FHIP1A: variants seen among roughly 807,000 people sequenced by gnomAD.
FHIP1A encodes FHF complex subunit HOOK-interacting protein 1A.
FHIP1A carries 61 observed loss-of-function variants against 88.6 expected under a neutral mutation model. The ratio of observed to expected loss-of-function variants is 0.69; its 90% confidence interval spans 0.56 to 0.85. The LOEUF (loss-of-function observed/expected upper bound fraction) is 0.85, where lower values mean the gene tolerates loss of function less well. Among genes scored for constraint, FHIP1A ranks in the 40% least tolerant of loss-of-function variants. The probability of loss-of-function intolerance (pLI) is 0.00; values close to 1 mark genes in which losing one functional copy is unlikely to be tolerated. For synonymous variants in FHIP1A, 478 were observed against 496.0 expected, an observed-to-expected ratio of 0.96 and a Z score of 0.48; for missense variants, 1,154 against 1,273.5, an observed-to-expected ratio of 0.91 and a Z score of 1.43.
intron 1 of FHIP1A, among the ~76,000 whole-genome samples, chr4:151,431,705 A>C (rs1323508070): frequency 1.3e-5 from 2 of 152,252 alleles, no homozygotes; most frequent in African/African-American, 4.8e-5. Context: ...CTTTCTAAAC[A>C]TAATCCCCTA....
intron 4 of FHIP1A, among the ~76,000 whole-genome samples, chr4:151,574,892 G>A (rs1459202921): frequency 6.8e-6 from 1 of 147,732 alleles, no homozygotes; most frequent in Non-Finnish European, 1.5e-5. Flanking sequence ...TCTTATTCTT[G>A]ACCATTTGAG....
intron 3 of FHIP1A, among the ~76,000 whole-genome samples, chr4:151,517,395 TA>T (rs1442282264): frequency 6.6e-6 from 1 of 152,112 alleles, no homozygotes; most frequent in African/African-American, 2.4e-5. Context: ...GGCACATGTA[TA>T]CATATGTAAC....
At chr4:151,427,002 A>G (rs1733404075) in intron 1 of FHIP1A, among the ~76,000 whole-genome samples, 1 of 152,144 alleles carries the variant, frequency 6.6e-6, no homozygotes, top group Non-Finnish European at 1.5e-5. Context: ...TCAGAAGTGT[A>G]ATATTTCCTA....
intron 2 of FHIP1A, among the ~76,000 whole-genome samples, chr4:151,475,865 G>T (rs1189356908): frequency 6.8e-6 from 1 of 147,538 alleles, no homozygotes; most frequent in African/African-American, 2.5e-5. Context: ...CTCTATTATC[G>T]ATTTTTTTTT....
intron 2 of FHIP1A, among the ~76,000 whole-genome samples, chr4:151,465,087 A>G (rs1395734013): frequency 6.6e-6 from 1 of 152,158 alleles, no homozygotes; most frequent in Non-Finnish European, 1.5e-5. Flanking sequence ...GCACACCTGT[A>G]GTCTCAGCTA....
intron 3 of FHIP1A, among the ~76,000 whole-genome samples, chr4:151,507,435 G>A (rs1161843198): frequency 6.6e-6 from 1 of 152,074 alleles, no homozygotes; most frequent in Non-Finnish European, 1.5e-5. Context: ...GAGAAAATAA[G>A]AAAAAATGTG....
At position 151,577,554 on chromosome 4, in the gene FHIP1A, C is replaced by T. The variant is rs1733840830; in HGVS notation, c.210C>T (p.His70=). 4 of 1,551,760 alleles carry T rather than the reference C, an allele frequency of 2.6e-6. No individual in the cohort carries two copies. The African/African-American group carries it at 5.5e-5, about 21-fold the overall frequency. ...GTGCCGTGCAGAATTACGTAGAACA[C>T]ATGCTCTTCTTGTTGATTGAAGAGC... ...EASAVQNYVE[H]MLFLLIEEQA... is the part of the protein sequence containing the mutation. The change falls in exon 5 of 14, where the codon CAC becomes CAT. Residue 70 remains histidine, a synonymous_variant. Transcript: ENST00000435205.
intron 3 of FHIP1A, among the ~76,000 whole-genome samples, chr4:151,546,483 A>C (rs1732508807): frequency 6.6e-6 from 1 of 152,186 alleles, no homozygotes; most frequent in South Asian, 2.1e-4. Flanking sequence ...CTGTCTGGAG[A>C]ACTCTCACTG....
At chr4:151,590,903 A>G (rs576951223) in intron 7 of FHIP1A, among the ~76,000 whole-genome samples, 10 of 152,376 alleles carry the variant, frequency 6.6e-5, no homozygotes, top group African/African-American at 2.4e-4. Context: ...TCAATGCTGA[A>G]TATGTAAAAT....
intron 8 of FHIP1A, 95 bp from the exon 9 acceptor site, chr4:151,638,582 C>A: frequency 4.4e-6 from 3 of 684,882 alleles, no homozygotes; most frequent in Non-Finnish European, 7.1e-6. Flanking sequence ...AAAAAAAGGC[C>A]ATTATATTTT....
chr4:151,512,468 T>C (rs1402092429), intron 3 of FHIP1A, among the ~76,000 whole-genome samples: 2 of 152,010 alleles, frequency 1.3e-5, no homozygotes, highest in South Asian at 2.1e-4. Context: ...CTTTGACGAG[T>C]TGAGAGAAGA....
At position 151,656,528 on chromosome 4, in the gene FHIP1A, C is replaced by T. The variant is rs1186905578; in HGVS notation, c.2730+118C>T. ...CCTTTGCTCTAATTCATTTGCTTTC[C>T]TTCCCTGTCCTATTAAGCTCACTGT... is the stretch of plus-strand genomic sequence containing the variant. On this transcript the variant is annotated intron_variant, in intron 12 of 13. Transcript: ENST00000435205. This position sits in a 1 kb window ranked among gnomAD's most constrained non-coding sequence, Gnocchi z 4.2. 2 of 1,096,880 alleles carry T rather than the reference C, an allele frequency of 1.8e-6. No homozygotes were observed. The highest frequency in any genetic ancestry group is 3.2e-5 in the South Asian group (2 of 62,368). 67.9% of individuals were successfully genotyped at this position (1,096,880 alleles called of 1,614,324 possible).
In FHIP1A at chr4:151,649,472, G is replaced by A; in HGVS notation, c.1431G>A (p.Arg477=). ...CMHDTSGPVE[R]PFPEAFSESA... Reference sequence around the variant, plus strand: ...CCTCCTGTGCAGGGCCTGTGGAGCGGCCATTCCCCGAAGCGTTCTCCGAGT... The same window carrying A: ...CCTCCTGTGCAGGGCCTGTGGAGCGACCATTCCCCGAAGCGTTCTCCGAGT... The change falls in exon 11 of 14, where the codon CGG becomes CGA. Residue 477 remains arginine (R), a synonymous_variant. Transcript: ENST00000435205. 1 of 1,548,742 alleles carries A rather than the reference G, an allele frequency of 6.5e-7. No individual in the cohort carries two copies. Among genetic ancestry groups the A allele is most frequent in the Non-Finnish European group, 8.7e-7 (1 of 1,145,574 alleles).
intron 5 of FHIP1A, among the ~76,000 whole-genome samples, chr4:151,581,651 T>C (rs1237894144): frequency 6.6e-6 from 1 of 152,146 alleles, no homozygotes; most frequent in Non-Finnish European, 1.5e-5. Context: ...CATAATCTCA[T>C]TTGTACCCAG....
intron 9 of FHIP1A, among the ~76,000 whole-genome samples, chr4:151,645,433 A>G (rs1736754882): frequency 6.6e-6 from 1 of 151,968 alleles, no homozygotes; most frequent in Non-Finnish European, 1.5e-5. Context: ...CCTCATTTGG[A>G]TCAGCAGGAG....
intron 3 of FHIP1A, among the ~76,000 whole-genome samples, chr4:151,520,570 A>G (rs1244951420): frequency 6.6e-6 from 1 of 152,128 alleles, no homozygotes; most frequent in Non-Finnish European, 1.5e-5. Flanking sequence ...CTGTTGTTTA[A>G]TCTTTACTTG....
intron 3 of FHIP1A, among the ~76,000 whole-genome samples, chr4:151,559,606 T>A (rs1289555890): frequency 6.6e-6 from 1 of 152,230 alleles, no homozygotes; most frequent in Non-Finnish European, 1.5e-5. Flanking sequence ...AAGAGCTGTA[T>A]CTTTTTTATA....
In FHIP1A at chr4:151,649,584, A is replaced by C. The variant is rs976451668; in HGVS notation, c.1543A>C (p.Met515Leu). 1 of 1,551,608 alleles carries C rather than the reference A, an allele frequency of 6.4e-7. No homozygotes were observed. Among genetic ancestry groups the C allele is most frequent in the Non-Finnish European group, 8.7e-7 (1 of 1,147,000 alleles). Residue 515 changes from methionine to leucine, a missense_variant, in exon 11 of 14, where the codon ATG becomes CTG. Coordinates refer to ENST00000435205, the MANE Select transcript of FHIP1A (RefSeq NM_001109977.3). ...GGCCCACACCAACATCCTCCGCTGC[A>C]TGAGGGACTGCCGTGTCTGGTCCGC... is the stretch of plus-strand genomic sequence containing the variant. ...WEAHTNILRC[M>L]RDCRVWSALY... is the part of the protein sequence containing the mutation.
At chr4:151,604,030 A>G (rs1396115700) in intron 7 of FHIP1A, among the ~76,000 whole-genome samples, 2 of 152,284 alleles carry the variant, frequency 1.3e-5, no homozygotes, top group East Asian at 1.9e-4. Flanking sequence ...TTCTTGGTCT[A>G]CATGCTGTGT....
Sources: gnomAD v4.1 joint callset for allele counts (sites outside exome capture counted in the v4.1 genomes callset) on GRCh38, gnomAD v4.1.1 for gene constraint, Gnocchi (gnomAD v3.1) non-coding constraint, MANE v1.5 for transcripts, NCBI Gene and HGNC (gene_info 2026-07-23, HGNC 2026-07-21) for gene names.